Variants in TBCK observed in about 807,000 individuals in gnomAD.
The protein encoded by TBCK is TBC domain-containing protein kinase-like protein.
Under a neutral mutation model 113.4 loss-of-function variants are expected in TBCK, and 99 were observed. That is an observed-to-expected ratio of 0.87 (90% CI 0.74 to 1.03). The LOEUF (loss-of-function observed/expected upper bound fraction) is 1.03. Ranked by LOEUF, TBCK falls within the 50% of genes least tolerant of loss-of-function variation. TBCK has a pLI of 0.00. For synonymous variants in TBCK, 369 were observed against 370.8 expected (o/e 1.00, Z 0.05); for missense variants, 1,045 against 1,061.3 (o/e 0.98, Z 0.21).
chr4:106,244,017 C>T (rs978392998), intron 11 of TBCK, among the ~76,000 whole-genome samples: 3 of 152,088 alleles, frequency 2.0e-5, no homozygotes, highest in Non-Finnish European at 2.9e-5. Flanking sequence ...TTAGTAGAAG[C>T]TCAAGAAATT....
chr4:106,056,268 A>AT (rs371739787), intron 25 of TBCK, among the ~76,000 whole-genome samples: 2,621 of 136,648 alleles, frequency 0.019, 20 homozygotes, highest in Non-Finnish European at 0.027. Flanking sequence ...TTTTTAATTA[A>AT]TTTTTTTTTT....
At chr4:106,101,831 A>G (rs962432151) in intron 24 of TBCK, among the ~76,000 whole-genome samples, 2 of 152,198 alleles carry the variant, frequency 1.3e-5, no homozygotes, top group Non-Finnish European at 2.9e-5. Context: ...AACTTCCAAG[A>G]AAACTGAAAC....
chr4:106,049,537 G>C (rs1196851734), intron 25 of TBCK, among the ~76,000 whole-genome samples: 1 of 151,976 alleles, frequency 6.6e-6, no homozygotes, highest in Non-Finnish European at 1.5e-5. Context: ...AATGTGCTGG[G>C]GTAGATTTCC....
At chr4:106,114,092 T>C (rs965107844) in intron 24 of TBCK, among the ~76,000 whole-genome samples, 1 of 152,212 alleles carries the variant, frequency 6.6e-6, no homozygotes, top group African/African-American at 2.4e-5. Context: ...AAAGCCGGAA[T>C]GCGAGCAGTG....
chr4:106,213,974 C>G (rs1462887310), intron 19 of TBCK, among the ~76,000 whole-genome samples: 1 of 152,176 alleles, frequency 6.6e-6, no homozygotes, highest in East Asian at 1.9e-4. Flanking sequence ...CTCTGTCTGA[C>G]AGCTTTGAAG....
At chr4:106,314,077 A>C (rs1462426847) in intron 1 of TBCK, among the ~76,000 whole-genome samples, 1 of 152,100 alleles carries the variant, frequency 6.6e-6, no homozygotes, top group Non-Finnish European at 1.5e-5. Context: ...TACTGTAAAC[A>C]TTTTATTTTT....
At chr4:106,159,077 A>C (rs1280612227) in intron 23 of TBCK, among the ~76,000 whole-genome samples, 1 of 152,054 alleles carries the variant, frequency 6.6e-6, no homozygotes, top group East Asian at 1.9e-4. Context: ...TTGATACCAA[A>C]AAAAGAACAA....
At chr4:106,136,383 G>T (rs990420392) in intron 23 of TBCK, among the ~76,000 whole-genome samples, 2 of 141,222 alleles carry the variant, frequency 1.4e-5, no homozygotes, top group African/African-American at 5.0e-5. Context: ...GATACAGGAG[G>T]AGTAGTTCAT....
intron 23 of TBCK, among the ~76,000 whole-genome samples, chr4:106,157,643 G>A (rs911930233): frequency 3.9e-5 from 6 of 152,108 alleles, no homozygotes; most frequent in African/African-American, 1.4e-4. Flanking sequence ...TGAGTTCAAT[G>A]CAATGTCACA....
At chr4:106,250,267 G>A (rs1410939551) in intron 7 of TBCK, 151 bp downstream of exon 7, 2 of 493,838 alleles carry the variant, frequency 4.0e-6, no homozygotes, top group East Asian at 3.5e-5. Flanking sequence ...ATGCTGTTCT[G>A]CTGATCATTA....
chr4:106,197,509 T>A (rs1391237941), intron 20 of TBCK, among the ~76,000 whole-genome samples: 2 of 150,272 alleles, frequency 1.3e-5, no homozygotes, highest in African/African-American at 2.5e-5. Flanking sequence ...CAAGAAGAGT[T>A]CATTTTTTCA....
intron 22 of TBCK, among the ~76,000 whole-genome samples, chr4:106,178,685 T>A (rs1225154965): frequency 6.6e-6 from 1 of 151,998 alleles, no homozygotes; most frequent in African/African-American, 2.4e-5. Flanking sequence ...TGGTGAATGA[T>A]TTTTTTAACG....
At position 106,136,425 on chromosome 4, in the gene TBCK, C is replaced by A. The variant is rs1021537498; in HGVS notation, c.2236-20047G>T. Among the ~76,000 whole-genome samples the A allele has an allele frequency of 2.8e-5, 4 of 140,768 alleles. 2 individuals carry two copies. In the South Asian group the frequency reaches 9.7e-4, roughly 34 times the overall value. 92.3% of individuals were successfully genotyped at this position (140,768 alleles called of 152,430 possible). ...AGAAAAGAAGTGGAAAACTGGGGAA[C>A]GCTTCTTTGAAAAGGTAATATTTCA... On this transcript the variant is annotated intron_variant, in intron 23 of 25. Coordinates refer to ENST00000394708, the MANE Select transcript of TBCK (RefSeq NM_001163435.3).
At chr4:106,090,886 AC>A (rs1338730123) in intron 25 of TBCK, among the ~76,000 whole-genome samples, 1 of 152,198 alleles carries the variant, frequency 6.6e-6, no homozygotes, top group Non-Finnish European at 1.5e-5. Flanking sequence ...TTTGGTTATA[AC>A]TATTTAATCA....
Position 106,118,758 on chromosome 4 carries a change from T to C in TBCK, c.2236-2380A>G, listed in dbSNP as rs558596316. Among the ~76,000 whole-genome samples the C allele has an allele frequency of 2.6e-4, 39 of 152,340 alleles. No homozygotes were observed. The South Asian group carries it at 6.4e-3, about 25-fold the overall frequency. ...GAGGATTTGTCCAAAGTATTCTTTA[T>C]GAAGAACTGAGTGGTTTAAATAAAG... is the stretch of plus-strand genomic sequence containing the variant. On this transcript the variant is annotated intron_variant, in intron 23 of 25. Coordinates refer to ENST00000394708, the MANE Select transcript of TBCK (RefSeq NM_001163435.3).
rs532026273 is a variant in TBCK, at chr4:106,134,216, G to GA, written c.2236-17839dup. ...AGTGACGTATAATGTTTCTAGGAGGGAAACTGGATTAATAGAAACATGCTA... is the reference window on the plus strand; with the variant it reads ...AGTGACGTATAATGTTTCTAGGAGGGAAAACTGGATTAATAGAAACATGCTA... On this transcript the variant is annotated intron_variant, in intron 23 of 25. Coordinates refer to ENST00000394708, the MANE Select transcript of TBCK (RefSeq NM_001163435.3). Among the ~76,000 whole-genome samples, 494 of 151,702 alleles carry GA rather than the reference G, an allele frequency of 3.3e-3. 3 individuals are homozygous for GA. Among genetic ancestry groups the GA allele is most frequent in the African/African-American group, 0.012 (476 of 41,336 alleles).
Position 106,177,488 on chromosome 4 carries a change from T to C in TBCK, c.2060-6218A>G, listed in dbSNP as rs181958166. Among the ~76,000 whole-genome samples, 4 of 151,992 alleles carry C rather than the reference T, an allele frequency of 2.6e-5. No homozygotes were observed. The East Asian group carries it at 7.7e-4, about 29-fold the overall frequency. Reference sequence around the variant, plus strand: ...TCTTACATTTAAGTCTTTAATAAAGTTTGATTTAATTTTTGCATATGGTGA... The same window carrying C: ...TCTTACATTTAAGTCTTTAATAAAGCTTGATTTAATTTTTGCATATGGTGA... On this transcript the variant is annotated intron_variant, in intron 22 of 25. Transcript: ENST00000394708.
chr4:106,270,612 CAA>C lies in TBCK; in HGVS notation c.267-8402_267-8401del, dbSNP rs559505488. The stretch of plus-strand genomic sequence containing the variant: ...TATTGCCATGTGAAAAAAAGAGAAA[CAA>C]ATTTCTATTACTGTTCAGAATTTTG... On this transcript the variant is annotated intron_variant, in intron 3 of 25. Transcript: ENST00000394708. 2.7e-3 allele frequency among the ~76,000 whole-genome samples: 412 copies of C among 152,102 alleles called. 2 individuals carry two copies. The highest frequency in any genetic ancestry group is 8.1e-3 in the South Asian group (39 of 4,808).
intron 23 of TBCK, chr4:106,163,448 C>T (rs941955591): frequency 6.6e-6 from 1 of 152,164 alleles, no homozygotes; most frequent in African/African-American, 2.4e-5. Context: ...ATCCTTATAG[C>T]AGCACCCAAC....
Sources: gnomAD v4.1 joint callset for allele counts (sites outside exome capture counted in the v4.1 genomes callset) on GRCh38, gnomAD v4.1.1 for gene constraint, MANE v1.5 for transcripts, NCBI Gene and HGNC (gene_info 2026-07-23, HGNC 2026-07-21) for gene names.